Variants in TRIM5 observed in about 807,000 individuals in gnomAD.
TRIM5 encodes the protein tripartite motif-containing protein 5.
A neutral mutation model predicts 35.6 loss-of-function variants in TRIM5; 31 were observed. That is an observed-to-expected ratio of 0.87 (90% CI 0.65 to 1.18). The LOEUF is 1.18. TRIM5 is among the 50% of genes most tolerant of loss of function. TRIM5 has a pLI of 0.00. For missense variants in TRIM5, 609 were observed against 591.6 expected (o/e 1.03, Z -0.31); for synonymous variants, 243 against 215.6 (o/e 1.13, Z -1.11).
chr11:5,650,474 A>ACCAT, the TRIM5 span, among the ~76,000 whole-genome samples: 1 of 152,196 alleles, frequency 6.6e-6, no homozygotes, highest in Non-Finnish European at 1.5e-5. Context: ...ATCGTACAGA[A>ACCAT]CCATCTGTAA....
At chr11:5,654,089 T>G in the TRIM5 span, among the ~76,000 whole-genome samples, 2 of 152,136 alleles carry the variant, frequency 1.3e-5, no homozygotes, top group Non-Finnish European at 2.9e-5. Context: ...ATTGCCTACC[T>G]GTATTGTCTT....
intron 4 of TRIM5, among the ~76,000 whole-genome samples, chr11:5,676,737 A>C (rs1304927032): frequency 2.9e-4 from 43 of 150,428 alleles, no homozygotes; most frequent in African/African-American, 9.2e-4. Context: ...ACAGCATGGT[A>C]CTGGTACCAA....
At chr11:5,672,093 C>G (rs1163071726) in intron 4 of TRIM5, among the ~76,000 whole-genome samples, 1 of 152,158 alleles carries the variant, frequency 6.6e-6, no homozygotes. Context: ...CTAAAAGAAA[C>G]TGTCAACTCC....
the TRIM5 span, chr11:5,619,680 T>C: frequency 6.9e-6 from 1 of 145,760 alleles, no homozygotes; most frequent in Non-Finnish European, 1.5e-5. Context: ...AGGCAACTCC[T>C]GTTTTAAATT....
the TRIM5 span, among the ~76,000 whole-genome samples, chr11:5,626,221 A>G: frequency 6.6e-6 from 1 of 152,242 alleles, no homozygotes; most frequent in South Asian, 2.1e-4. Flanking sequence ...CTGCTAATGT[A>G]AAAACGTGCA....
the TRIM5 span, among the ~76,000 whole-genome samples, chr11:5,599,421 T>TTTATTTA: frequency 5.2e-5 from 4 of 77,014 alleles, no homozygotes; most frequent in Admixed American, 1.3e-4. Flanking sequence ...TTATTTATTT[T>TTTATTTA]GAGACGGAGT....
chr11:5,683,589 A>G (rs6578674), intron 1 of TRIM5, among the ~76,000 whole-genome samples: 79,855 of 150,964 alleles, frequency 0.53, 21,105 homozygotes, highest in African/African-American at 0.53. Flanking sequence ...AAACACACCA[A>G]TCAGCACCCT....
At chr11:5,604,088 C>G in the TRIM5 span, among the ~76,000 whole-genome samples, 2 of 152,056 alleles carry the variant, frequency 1.3e-5, no homozygotes, top group Non-Finnish European at 2.9e-5. Flanking sequence ...CTCCGCCTCC[C>G]GGGTTCAAGC....
chr11:5,631,378 G>T, the TRIM5 span, among the ~76,000 whole-genome samples: 131,827 of 152,186 alleles, frequency 0.87, 57,307 homozygotes, highest in East Asian at 1. Flanking sequence ...AACTCTGAGG[G>T]TATTATGTTC....
At chr11:5,647,923 A>T in the TRIM5 span, among the ~76,000 whole-genome samples, 1 of 152,158 alleles carries the variant, frequency 6.6e-6, no homozygotes, top group Admixed American at 6.5e-5. Context: ...ACCACTATTG[A>T]TCCACACACT....
chr11:5,616,230 C>T, the TRIM5 span, among the ~76,000 whole-genome samples: 5 of 146,636 alleles, frequency 3.4e-5, no homozygotes, highest in Non-Finnish European at 7.6e-5. Flanking sequence ...GGATTACAGG[C>T]GTGAGCCACC....
the TRIM5 span, among the ~76,000 whole-genome samples, chr11:5,602,541 G>A: frequency 6.6e-6 from 1 of 151,940 alleles, no homozygotes; most frequent in African/African-American, 2.4e-5. Flanking sequence ...AAGCTAGTAA[G>A]TCATGCAGAT....
At chr11:5,637,645 T>C in the TRIM5 span, among the ~76,000 whole-genome samples, 1 of 152,210 alleles carries the variant, frequency 6.6e-6, no homozygotes, top group Non-Finnish European at 1.5e-5. Flanking sequence ...TGGCATTTAG[T>C]ACATTCAGAT....
chr11:5,648,107 A>G, the TRIM5 span, among the ~76,000 whole-genome samples: 1 of 152,302 alleles, frequency 6.6e-6, no homozygotes, highest in African/African-American at 2.4e-5. Flanking sequence ...TAATGGCTAC[A>G]CATCTTTTCT....
At chr11:5,610,366 G>T in the TRIM5 span, 20,454 of 1,564,680 alleles carry the variant, frequency 0.013, 187 homozygotes, top group Non-Finnish European at 0.016. Flanking sequence ...CCAGAGGGAG[G>T]GACATAGTGT....
chr11:5,683,782 C>G (rs1007650789), intron 1 of TRIM5, among the ~76,000 whole-genome samples: 1 of 152,182 alleles, frequency 6.6e-6, no homozygotes, highest in African/African-American at 2.4e-5. Flanking sequence ...AAACAGACCA[C>G]TCGGCTCTCT....
chr11:5,602,215 C>T, the TRIM5 span, among the ~76,000 whole-genome samples: 35,516 of 151,770 alleles, frequency 0.23, 4,776 homozygotes, highest in African/African-American at 0.36. Flanking sequence ...CCAAGGCGGG[C>T]GGATCATGAG....
At chr11:5,611,158 T>A in the TRIM5 span, 1 of 1,614,190 alleles carries the variant, frequency 6.2e-7, no homozygotes, top group East Asian at 2.2e-5. Flanking sequence ...TCCATGACAG[T>A]GCCCCCTCGC....
chr11:5,638,247 A>C, the TRIM5 span, among the ~76,000 whole-genome samples: 5 of 152,256 alleles, frequency 3.3e-5, no homozygotes, highest in Admixed American at 2.0e-4. Context: ...AAGAGATTCA[A>C]GTTGCTATCA....
Sources: allele counts gnomAD v4.1 joint callset (sites outside exome capture counted in the v4.1 genomes callset), GRCh38; gene constraint gnomAD v4.1.1; transcripts MANE v1.5; gene names NCBI Gene and HGNC (gene_info 2026-07-23, HGNC 2026-07-21).